NTN1: variants seen among roughly 807,000 people sequenced by gnomAD.
The protein encoded by NTN1 is netrin-1.
NTN1 carries 11 observed loss-of-function variants against 54.2 expected under a neutral mutation model. That is an observed-to-expected ratio of 0.20 (90% CI 0.13 to 0.34). The LOEUF (loss-of-function observed/expected upper bound fraction) is 0.34, where lower values mean the gene tolerates loss of function less well. NTN1 is among the 10% of genes least tolerant of loss of function. The pLI is 1.00. For synonymous variants in NTN1, 371 were observed against 382.0 expected, an observed-to-expected ratio of 0.97 and a Z score of 0.33; for missense variants, 740 against 893.1, an observed-to-expected ratio of 0.83 and a Z score of 2.18.
chr17:9,189,412 C>G (rs919429685), intron 5 of NTN1, among the ~76,000 whole-genome samples: 4 of 152,198 alleles, frequency 2.6e-5, no homozygotes, highest in African/African-American at 9.7e-5. Flanking sequence ...AGTGCAGTGG[C>G]ACAATCTCAG....
chr17:9,019,037 A>G (rs1024608671), upstream of NTN1, among the ~76,000 whole-genome samples: 2 of 152,202 alleles, frequency 1.3e-5, no homozygotes, highest in Non-Finnish European at 1.5e-5. Flanking sequence ...GGAATTGTGT[A>G]ATGAACATGG....
At chr17:9,143,784 G>A (rs956767870) in intron 2 of NTN1, among the ~76,000 whole-genome samples, 1 of 152,186 alleles carries the variant, frequency 6.6e-6, no homozygotes, top group African/African-American at 2.4e-5. Flanking sequence ...GTCCCTTTGC[G>A]ATGAGCTAGC....
chr17:9,212,742 C>T lies in NTN1; in HGVS notation c.1412-8426C>T, dbSNP rs1337601184. ...GCTGGGTGTCCCTCACTCATTACAC[C>T]CCCTGCCCCACCTTCCCAAGCCCGA... On this transcript the variant is annotated intron_variant, in intron 5 of 6. Coordinates refer to ENST00000173229, the MANE Select transcript of NTN1 (RefSeq NM_004822.3). This position sits in a 1 kb window ranked among gnomAD's most constrained non-coding sequence, Gnocchi z 5.5. Among the ~76,000 whole-genome samples, 1 of 152,202 alleles carries T rather than the reference C, an allele frequency of 6.6e-6. No homozygotes were observed. Among genetic ancestry groups the T allele is most frequent in the Non-Finnish European group, 1.5e-5 (1 of 68,038 alleles).
chr17:9,188,919 A>G (rs1904374726), intron 5 of NTN1, among the ~76,000 whole-genome samples: 1 of 152,184 alleles, frequency 6.6e-6, no homozygotes, highest in African/African-American at 2.4e-5. Flanking sequence ...TGACCAAGGC[A>G]CTGGTTTCAA....
At chr17:9,181,037 G>C (rs1023041353) in intron 4 of NTN1, among the ~76,000 whole-genome samples, 1 of 152,166 alleles carries the variant, frequency 6.6e-6, no homozygotes, top group Non-Finnish European at 1.5e-5. Flanking sequence ...GCTCAGAAAT[G>C]GTTGGAACCA....
intron 2 of NTN1, among the ~76,000 whole-genome samples, chr17:9,151,711 G>C (rs190351312): frequency 2.6e-5 from 4 of 152,332 alleles, no homozygotes; most frequent in African/African-American, 9.6e-5. Flanking sequence ...GGCTTCAGGG[G>C]CCTCTAAGGC....
intron 3 of NTN1, chr17:9,173,279 C>G (rs1459937047): frequency 6.6e-6 from 1 of 152,564 alleles, no homozygotes. Context: ...TGATCCTTCA[C>G]TCCTGTTTTG....
intron 5 of NTN1, among the ~76,000 whole-genome samples, chr17:9,199,438 G>C (rs576540024): frequency 6.6e-6 from 1 of 152,352 alleles, no homozygotes; most frequent in African/African-American, 2.4e-5. Flanking sequence ...CATTGCACCC[G>C]GCCCTGCTAT....
At chr17:9,202,153 A>G (rs1044642954) in intron 5 of NTN1, among the ~76,000 whole-genome samples, 4 of 150,102 alleles carry the variant, frequency 2.7e-5, no homozygotes, top group African/African-American at 9.8e-5. Context: ...AGGCGGGAGA[A>G]TCGCTTGAAC....
chr17:9,123,820 C>T (rs2092238008), intron 2 of NTN1, among the ~76,000 whole-genome samples: 1 of 152,112 alleles, frequency 6.6e-6, no homozygotes, highest in Non-Finnish European at 1.5e-5. Context: ...TTCTTGTAGT[C>T]TCATGATACA....
chr17:9,131,872 C>T (rs968439739), intron 2 of NTN1, among the ~76,000 whole-genome samples: 8 of 151,886 alleles, frequency 5.3e-5, no homozygotes, highest in Admixed American at 2.0e-4. Flanking sequence ...AGCATGATCT[C>T]GACTCACTGC....
chr17:9,139,034 C>A (rs1317731017), intron 2 of NTN1, among the ~76,000 whole-genome samples: 14 of 152,130 alleles, frequency 9.2e-5, no homozygotes. Context: ...GGGCAAGTCT[C>A]TGGACACCAT....
chr17:9,058,637 CAAAAAAAAAAAAAAAAAAA>C (rs3053457), intron 2 of NTN1, among the ~76,000 whole-genome samples: 1 of 58,906 alleles, frequency 1.7e-5, no homozygotes, highest in Non-Finnish European at 3.0e-5. Flanking sequence ...GGTAGGCACT[CAAAAAAAAAAAAAAAAAAA>C]AAAAAAAAGA....
intron 5 of NTN1, among the ~76,000 whole-genome samples, chr17:9,187,351 A>C (rs976165024): frequency 6.6e-6 from 1 of 152,126 alleles, no homozygotes; most frequent in Non-Finnish European, 1.5e-5. Flanking sequence ...CCAGCAGCTC[A>C]TGGTAGAGCC....
chr17:9,016,957 C>G (rs1243512540), upstream of NTN1, among the ~76,000 whole-genome samples: 1 of 152,198 alleles, frequency 6.6e-6, no homozygotes, highest in East Asian at 1.9e-4. Context: ...ATCCTCTTCT[C>G]TCTAATGACC....
chr17:9,130,135 G>T (rs533637095), intron 2 of NTN1, among the ~76,000 whole-genome samples: 1 of 152,270 alleles, frequency 6.6e-6, no homozygotes, highest in South Asian at 2.1e-4. Context: ...TGGCTGTCTC[G>T]CTGTTTTCTA....
chr17:9,042,278 G>A (rs571307816), intron 2 of NTN1, among the ~76,000 whole-genome samples: 3 of 152,196 alleles, frequency 2.0e-5, no homozygotes, highest in African/African-American at 7.2e-5. Context: ...TTGGTGATGT[G>A]TTATTCTTTA....
intron 2 of NTN1, among the ~76,000 whole-genome samples, chr17:9,144,766 G>A (rs576532722): frequency 3.3e-5 from 5 of 152,342 alleles, no homozygotes; most frequent in South Asian, 2.1e-4. Context: ...CGAAACAAGC[G>A]AGCACATGGA....
In NTN1 at chr17:9,105,660, TTC is replaced by T. The variant is rs72039051; in HGVS notation, c.1019-57133_1019-57132del. 2.8e-3 allele frequency among the ~76,000 whole-genome samples: 391 copies of T among 141,088 alleles called. 1 individual carries two copies. Among genetic ancestry groups the T allele is most frequent in the African/African-American group, 6.3e-3 (252 of 40,018 alleles). The allele number at this position is 141,088 out of a possible 152,430, so 92.6% of individuals were successfully genotyped here. A position where few individuals can be genotyped will look rare whatever the true frequency, so the allele number is the denominator to read the frequency against. On this transcript the variant is annotated intron_variant, in intron 2 of 6. Transcript: ENST00000173229. ...TGAGATCTGTTCTGTCTCTCTCTCT[TTC>T]TCTCTCTCTCTCTCTCTCTGTCTCT...
Sources: gnomAD v4.1 joint callset for allele counts (sites outside exome capture counted in the v4.1 genomes callset) on GRCh38, gnomAD v4.1.1 for gene constraint, Gnocchi (gnomAD v3.1) non-coding constraint, MANE v1.5 for transcripts, NCBI Gene and HGNC (gene_info 2026-07-23, HGNC 2026-07-21) for gene names.